ACTN4: variants seen among roughly 807,000 people sequenced by gnomAD.
ACTN4 encodes actinin alpha 4.
In ACTN4, 18 loss-of-function variants were observed where a neutral mutation model predicts 114.2. The ratio of observed to expected loss-of-function variants is 0.16; its 90% CI spans 0.11 to 0.23. The LOEUF (loss-of-function observed/expected upper bound fraction) is 0.23, where lower values mean the gene tolerates loss of function less well. Among genes scored for constraint, ACTN4 ranks in the 10% least tolerant of loss-of-function variants. The pLI, the probability that ACTN4 is intolerant of heterozygous loss-of-function variation, is 1.00. For synonymous variants in ACTN4, 515 were observed against 506.3 expected, an observed-to-expected ratio of 1.02 and a Z score of -0.23; for missense variants, 722 against 1,262.9, an observed-to-expected ratio of 0.57 and a Z score of 6.49.
chr19:38,672,696 C>G (rs1455855379), intron 1 of ACTN4, among the ~76,000 whole-genome samples: 1 of 151,988 alleles, frequency 6.6e-6, no homozygotes, highest in African/African-American at 2.4e-5. Context: ...GCCTCAGCCT[C>G]CTGAGTAGCT....
intron 1 of ACTN4, among the ~76,000 whole-genome samples, chr19:38,654,129 A>G (rs1320105713): frequency 1.3e-5 from 2 of 152,248 alleles, no homozygotes; most frequent in African/African-American, 2.4e-5. Flanking sequence ...TTTACTCGGT[A>G]TCCCAGGCAT....
At chr19:38,650,737 GTTGTTTGTTTGT>G (rs578119525) in intron 1 of ACTN4, among the ~76,000 whole-genome samples, 4 of 152,042 alleles carry the variant, frequency 2.6e-5, no homozygotes, top group Admixed American at 6.6e-5. Context: ...GGCTGGCTGG[GTTGTTTGTTTGT>G]TTGTTTGTTT....
intron 19 of ACTN4, chr19:38,728,454 C>CT: frequency 1.8e-5 from 13 of 713,104 alleles, no homozygotes; most frequent in Non-Finnish European, 2.7e-5. Flanking sequence ...CTCCTCCCCC[C>CT]CACCTCTCCC....
In ACTN4 at chr19:38,724,628, G is replaced by T; in HGVS notation, c.2010+63G>T. On this transcript the variant is annotated intron_variant, in intron 16 of 20. Transcript: ENST00000252699. The surrounding 1 kb of genome is among the most constrained non-coding windows in gnomAD (Gnocchi z 7.0). ...CCAAGAGAGCTCCCGTAGTGAGGGG[G>T]TCCCCGGCCAGCCCAGGGCCTGCAG... 6.2e-7 allele frequency: 1 copy of T among 1,608,630 alleles called. No individual in the cohort carries two copies. Among genetic ancestry groups the T allele is most frequent in the East Asian group, 2.2e-5 (1 of 44,880 alleles).
intron 3 of ACTN4, among the ~76,000 whole-genome samples, chr19:38,703,418 A>G (rs1968349923): frequency 6.6e-6 from 1 of 151,984 alleles, no homozygotes; most frequent in Non-Finnish European, 1.5e-5. Flanking sequence ...TTGTGTTTTT[A>G]GTAGAGACGG....
chr19:38,665,330 A>G (rs1451347250), intron 1 of ACTN4, among the ~76,000 whole-genome samples: 2 of 152,152 alleles, frequency 1.3e-5, no homozygotes, highest in African/African-American at 2.4e-5. Context: ...TCCTTCTTTG[A>G]AAAGGGGCAT....
At chr19:38,674,208 A>G (rs1182602760) in intron 1 of ACTN4, among the ~76,000 whole-genome samples, 1 of 152,018 alleles carries the variant, frequency 6.6e-6, no homozygotes, top group African/African-American at 2.4e-5. Context: ...GCCTGGAGGG[A>G]GAGTTAGAGC....
intron 1 of ACTN4, among the ~76,000 whole-genome samples, chr19:38,694,075 ATCCT>A (rs1968014970): frequency 6.6e-6 from 1 of 152,120 alleles, no homozygotes; most frequent in African/African-American, 2.4e-5. Context: ...ATGAGTCCAC[ATCCT>A]TCCTTCCTCC....
At chr19:38,648,734 G>T (rs1440370938) in intron 1 of ACTN4, among the ~76,000 whole-genome samples, 1 of 151,852 alleles carries the variant, frequency 6.6e-6, no homozygotes, top group East Asian at 1.9e-4. Flanking sequence ...ATAATAAGAG[G>T]AATTGATGAG....
chr19:38,685,363 A>G (rs1217559612), intron 1 of ACTN4, among the ~76,000 whole-genome samples: 1 of 152,194 alleles, frequency 6.6e-6, no homozygotes, highest in Non-Finnish European at 1.5e-5. Flanking sequence ...CCTGCTGGCA[A>G]ACTTCAAACT....
chr19:38,704,908 C>T (rs1968405484), intron 3 of ACTN4, 26 bp from the exon 4 acceptor site: 1 of 1,605,342 alleles, frequency 6.2e-7, no homozygotes, highest in Non-Finnish European at 8.5e-7. Context: ...CGACCTTCTG[C>T]CCTCTGCCCC....
chr19:38,726,588 C>T (rs1012899379), intron 17 of ACTN4, among the ~76,000 whole-genome samples: 1 of 152,218 alleles, frequency 6.6e-6, no homozygotes, highest in African/African-American at 2.4e-5. Context: ...AGACTGGACA[C>T]TCTTGATCCA....
chr19:38,700,789 C>G (rs1176741075), intron 2 of ACTN4, 75 bp downstream of exon 2: 3 of 1,447,558 alleles, frequency 2.1e-6, no homozygotes, highest in African/African-American at 2.8e-5. Context: ...AGAGACCCTG[C>G]CCACCCAGCT....
intron 8 of ACTN4, chr19:38,711,313 C>T (rs1266550088): frequency 7.7e-6 from 8 of 1,042,942 alleles, no homozygotes; most frequent in Non-Finnish European, 9.3e-6. Flanking sequence ...AGAAGGCCAT[C>T]ATGACTTACG....
At chr19:38,719,321 G>A (rs1432864778) in intron 11 of ACTN4, among the ~76,000 whole-genome samples, 1 of 152,172 alleles carries the variant, frequency 6.6e-6, no homozygotes, top group East Asian at 1.9e-4. Context: ...GCCCTTCCTT[G>A]CATTCCTGAG....
intron 1 of ACTN4, among the ~76,000 whole-genome samples, chr19:38,648,430 A>G (rs1260427859): frequency 2.0e-5 from 3 of 151,888 alleles, no homozygotes; most frequent in Non-Finnish European, 4.4e-5. Context: ...TGGGGGAGTT[A>G]TAAAGGGGAT....
chr19:38,711,854 G>A (rs1360675830), intron 8 of ACTN4, among the ~76,000 whole-genome samples: 1 of 152,212 alleles, frequency 6.6e-6, no homozygotes, highest in East Asian at 1.9e-4. Context: ...CCCTCCAGAG[G>A]CCAGGCAGAG....
chr19:38,650,704 T>G (rs1976535906), intron 1 of ACTN4, among the ~76,000 whole-genome samples: 3 of 152,198 alleles, frequency 2.0e-5, no homozygotes, highest in Admixed American at 2.0e-4. Context: ...ACCTTCCTAC[T>G]AAGAAACATC....
intron 1 of ACTN4, among the ~76,000 whole-genome samples, chr19:38,651,525 A>G (rs1425603413): frequency 1.3e-5 from 2 of 152,116 alleles, no homozygotes; most frequent in African/African-American, 2.4e-5. Context: ...GGTTATGCCA[A>G]ATCTCATTAC....
Sources: allele counts gnomAD v4.1 joint callset (sites outside exome capture counted in the v4.1 genomes callset), GRCh38; gene constraint gnomAD v4.1.1; non-coding constraint Gnocchi (gnomAD v3.1); transcripts MANE v1.5; gene names NCBI Gene and HGNC (gene_info 2026-07-23, HGNC 2026-07-21).